Variants in EXOC4 observed in about 807,000 individuals in gnomAD.
EXOC4 encodes the protein SEC8-like 1.
A neutral mutation model predicts 107.2 loss-of-function variants in EXOC4; 71 were observed. The ratio of observed to expected loss-of-function variants is 0.66; its 90% CI spans 0.55 to 0.81. EXOC4 has a LOEUF of 0.81. Ranked by LOEUF, EXOC4 falls within the 30% of genes least tolerant of loss-of-function variation. The pLI, the probability that EXOC4 is intolerant of heterozygous loss-of-function variation, is 0.00. For missense variants in EXOC4, 1,108 were observed against 1,189.6 expected, an observed-to-expected ratio of 0.93 and a Z score of 1.01; for synonymous variants, 456 against 441.2, an observed-to-expected ratio of 1.03 and a Z score of -0.42.
chr7:133,844,828 C>G (rs1407798088), intron 11 of EXOC4, among the ~76,000 whole-genome samples: 2 of 152,064 alleles, frequency 1.3e-5, no homozygotes, highest in Non-Finnish European at 2.9e-5. Context: ...TTAGAATCCC[C>G]TTCACTGGCC....
chr7:133,923,035 T>C (rs1563058431), intron 13 of EXOC4, among the ~76,000 whole-genome samples: 2 of 151,882 alleles, frequency 1.3e-5, no homozygotes, highest in Non-Finnish European at 2.9e-5. Flanking sequence ...GGGTATATCC[T>C]AGGAGTAGAA....
intron 2 of EXOC4, among the ~76,000 whole-genome samples, chr7:133,279,551 C>G (rs1436607497): frequency 6.6e-6 from 1 of 152,214 alleles, no homozygotes; most frequent in African/African-American, 2.4e-5. Flanking sequence ...GAGGGTCTCT[C>G]TCCATCACCC....
At chr7:133,550,984 G>A (rs1800576017) in intron 9 of EXOC4, among the ~76,000 whole-genome samples, 1 of 151,744 alleles carries the variant, frequency 6.6e-6, no homozygotes, top group South Asian at 2.1e-4. Context: ...TTTCATTTGT[G>A]GACAGCATCT....
chr7:133,961,998 G>A (rs2116839778), intron 14 of EXOC4, among the ~76,000 whole-genome samples: 1 of 152,312 alleles, frequency 6.6e-6, no homozygotes, highest in Non-Finnish European at 1.5e-5. Context: ...AAGCTTGGTG[G>A]AAACAGGATT....
chr7:133,663,072 A>G (rs960625722), intron 10 of EXOC4, among the ~76,000 whole-genome samples: 1 of 152,106 alleles, frequency 6.6e-6, no homozygotes, highest in Non-Finnish European at 1.5e-5. Flanking sequence ...CCTAGTCTGC[A>G]TTTTTCCTGC....
chr7:133,330,334 A>G (rs1029215376), intron 5 of EXOC4, among the ~76,000 whole-genome samples: 14 of 151,934 alleles, frequency 9.2e-5, no homozygotes, highest in Non-Finnish European at 1.5e-4. Context: ...CGAGAATTTC[A>G]AACCACTAGA....
chr7:133,431,052 G>A lies in EXOC4; in HGVS notation c.1183-44276G>A, dbSNP rs142419476. The stretch of plus-strand genomic sequence containing the variant: ...ACCCGTTTGTTTCGTAATGAGAAAA[G>A]TGATGCCCAGAGATGTCAGGTAACT... On this transcript the variant is annotated intron_variant, in intron 7 of 17. Coordinates refer to ENST00000253861, the MANE Select transcript of EXOC4 (RefSeq NM_021807.4). 4.8e-3 allele frequency among the ~76,000 whole-genome samples: 734 copies of A among 152,310 alleles called. 4 individuals carry two copies. The highest frequency in any genetic ancestry group is 0.017 in the Middle Eastern group (5 of 292).
At chr7:133,588,936 G>T (rs114646816) in intron 9 of EXOC4, among the ~76,000 whole-genome samples, 1 of 151,096 alleles carries the variant, frequency 6.6e-6, no homozygotes, top group Non-Finnish European at 1.5e-5. Context: ...ATATGTGTGT[G>T]TGTATGTATA....
chr7:133,969,773 C>G (rs890794647), intron 14 of EXOC4, among the ~76,000 whole-genome samples: 1 of 152,144 alleles, frequency 6.6e-6, no homozygotes, highest in African/African-American at 2.4e-5. Context: ...AGGTGTCTGT[C>G]GACCCCTGCT....
chr7:133,868,690 A>G lies in EXOC4; in HGVS notation c.1735-26909A>G, dbSNP rs1798691987. ...TCTCAGCCTTCCCTCCTATTCACAC[A>G]GGATTCCATTTTCTTGAGTCTATTA... On this transcript the variant is annotated intron_variant, in intron 11 of 17. Coordinates refer to ENST00000253861, the MANE Select transcript of EXOC4 (RefSeq NM_021807.4). Among the ~76,000 whole-genome samples the G allele has an allele frequency of 2.0e-5, 3 of 152,256 alleles. No homozygotes were observed. In the South Asian group the frequency reaches 6.2e-4, roughly 32 times the overall value.
chr7:133,964,366 A>G (rs1801014554), intron 14 of EXOC4, among the ~76,000 whole-genome samples: 1 of 151,860 alleles, frequency 6.6e-6, no homozygotes, highest in Non-Finnish European at 1.5e-5. Context: ...TCTGGGATAC[A>G]TGTGCAGAAT....
chr7:133,401,084 T>G (rs1307351178), intron 7 of EXOC4, among the ~76,000 whole-genome samples: 2 of 152,152 alleles, frequency 1.3e-5, no homozygotes, highest in Non-Finnish European at 2.9e-5. Context: ...GCCAGGATTT[T>G]TAATTTCCAC....
intron 17 of EXOC4, among the ~76,000 whole-genome samples, chr7:134,054,726 T>C (rs1241022107): frequency 3.3e-5 from 5 of 152,220 alleles, no homozygotes. Flanking sequence ...TTGCTAGTTA[T>C]ATTTTTCTAG....
intron 9 of EXOC4, among the ~76,000 whole-genome samples, chr7:133,628,557 C>A (rs1802511700): frequency 6.6e-6 from 1 of 152,182 alleles, no homozygotes; most frequent in African/African-American, 2.4e-5. Flanking sequence ...ATTAGTTGAA[C>A]TTCATTATAG....
chr7:134,033,066 T>C (rs556239346), intron 17 of EXOC4, among the ~76,000 whole-genome samples: 1 of 152,174 alleles, frequency 6.6e-6, no homozygotes, highest in Admixed American at 6.5e-5. Flanking sequence ...ACTTTCTGGA[T>C]GATAGGAAGA....
intron 10 of EXOC4, among the ~76,000 whole-genome samples, chr7:133,687,023 G>C (rs902898263): frequency 2.0e-5 from 3 of 150,900 alleles, no homozygotes; most frequent in East Asian, 2.0e-4. Context: ...GTGTGTGTGT[G>C]TGTGTGTGTG....
Position 133,833,005 on chromosome 7 carries a change from T to C in EXOC4, c.1734+15461T>C, listed in dbSNP as rs115694639. ...TTCTTAGGCTCTCCTATAGAAAATATAATATTTAGCAGTTCTTTCCAGGAA... is the reference window on the plus strand; with the variant it reads ...TTCTTAGGCTCTCCTATAGAAAATACAATATTTAGCAGTTCTTTCCAGGAA... On this transcript the variant is annotated intron_variant, in intron 11 of 17. Coordinates refer to ENST00000253861, the MANE Select transcript of EXOC4 (RefSeq NM_021807.4). 2.4e-3 allele frequency among the ~76,000 whole-genome samples: 367 copies of C among 152,166 alleles called. 5 individuals are homozygous for C. The highest frequency in any genetic ancestry group is 8.2e-3 in the African/African-American group (342 of 41,524).
intron 10 of EXOC4, among the ~76,000 whole-genome samples, chr7:133,637,457 A>G (rs971678061): frequency 2.0e-4 from 30 of 152,186 alleles, no homozygotes; most frequent in African/African-American, 6.3e-4. Context: ...ATTTTTATAC[A>G]GATGCATGTT....
intron 7 of EXOC4, among the ~76,000 whole-genome samples, chr7:133,407,559 A>T (rs1430746859): frequency 1.3e-5 from 2 of 152,214 alleles, no homozygotes; most frequent in East Asian, 3.9e-4. Context: ...TATCAGCCAT[A>T]TTCAAATATG....
Sources: allele counts gnomAD v4.1 joint callset (sites outside exome capture counted in the v4.1 genomes callset), GRCh38; gene constraint gnomAD v4.1.1; transcripts MANE v1.5; gene names NCBI Gene and HGNC (gene_info 2026-07-23, HGNC 2026-07-21).